Variants in MKLN1 observed in about 807,000 individuals in gnomAD.
MKLN1 encodes muskelin.
MKLN1 carries 18 observed loss-of-function variants against 99.0 expected under a neutral mutation model. The observed-to-expected ratio is 0.18, with a 90% CI of 0.13 to 0.27. The LOEUF is 0.27. Among genes scored for constraint, MKLN1 ranks in the 10% least tolerant of loss-of-function variants. The probability of loss-of-function intolerance (pLI) is 1.00; values close to 1 mark genes in which losing one functional copy is unlikely to be tolerated. For synonymous variants in MKLN1, 288 were observed against 293.2 expected, an observed-to-expected ratio of 0.98 and a Z score of 0.18; for missense variants, 621 against 875.9, an observed-to-expected ratio of 0.71 and a Z score of 3.67.
intron 2 of MKLN1, among the ~76,000 whole-genome samples, chr7:131,154,020 A>C (rs1266737660): frequency 6.6e-6 from 1 of 152,156 alleles, no homozygotes; most frequent in East Asian, 1.9e-4. Flanking sequence ...ATATTACAAA[A>C]AAATGGGGGG....
rs1563226557 is a variant in MKLN1, at chr7:131,133,819, G to GTTTTTTTTTTTT, written c.-418-9001_-418-9000insTTTTTTTTTTTT. Among the ~76,000 whole-genome samples the GTTTTTTTTTTTT allele has an allele frequency of 3.0e-5, 2 of 67,238 alleles. 1 individual carries two copies. Among genetic ancestry groups the GTTTTTTTTTTTT allele is most frequent in the African/African-American group, 1.0e-4 (2 of 19,614 alleles). 44.1% of individuals were successfully genotyped at this position (67,238 alleles called of 152,430 possible). A position where few individuals can be genotyped will look rare whatever the true frequency, so the allele number is the denominator to read the frequency against. ...ACTTCTTTTTTTTTTTTTTTAATTT[G>GTTTTTTTTTTTT]GTTTTTTTTTTTTTTTTTTTTTTTT... On this transcript the variant is annotated intron_variant, in intron 1 of 7. Transcript: ENST00000416992.
intron 3 of MKLN1, among the ~76,000 whole-genome samples, chr7:131,235,674 T>C (rs575937573): frequency 1.3e-5 from 2 of 152,306 alleles, no homozygotes; most frequent in South Asian, 2.1e-4. Context: ...TATATATGAC[T>C]GGGGAAATCT....
chr7:131,154,856 G>C (rs1795941056), intron 2 of MKLN1, among the ~76,000 whole-genome samples: 1 of 152,096 alleles, frequency 6.6e-6, no homozygotes, highest in Non-Finnish European at 1.5e-5. Flanking sequence ...TACCCGACTA[G>C]AGGGTAGGAA....
chr7:131,305,054 G>T (rs1461462478), intron 3 of MKLN1, among the ~76,000 whole-genome samples: 2 of 152,154 alleles, frequency 1.3e-5, no homozygotes, highest in South Asian at 4.1e-4. Flanking sequence ...CATCTTGGAA[G>T]CAGGGAGACT....
chr7:131,422,659 G>A (rs938558478), intron 8 of MKLN1, among the ~76,000 whole-genome samples: 7 of 151,788 alleles, frequency 4.6e-5, no homozygotes, highest in Admixed American at 6.6e-5. Flanking sequence ...GTTGCTTCCC[G>A]GTGTCTCATA....
At chr7:131,328,371 C>T (rs1313376545) in intron 1 of MKLN1, 4 of 258,688 alleles carry the variant, frequency 1.5e-5, no homozygotes, top group East Asian at 1.8e-4. Flanking sequence ...CAAACTACCC[C>T]GAATGTCTGA....
chr7:131,165,017 GA>G (rs2116321631), intron 2 of MKLN1, among the ~76,000 whole-genome samples: 1 of 152,234 alleles, frequency 6.6e-6, no homozygotes, highest in Non-Finnish European at 1.5e-5. Context: ...ATGTGGTACA[GA>G]ATGTGTGAGT....
chr7:131,259,125 A>G (rs890516687), intron 3 of MKLN1, among the ~76,000 whole-genome samples: 5 of 152,156 alleles, frequency 3.3e-5, no homozygotes, highest in Non-Finnish European at 7.3e-5. Context: ...AAAAAAATAT[A>G]TATATATAAA....
intron 2 of MKLN1, among the ~76,000 whole-genome samples, chr7:131,159,055 G>C (rs1476695582): frequency 1.3e-5 from 2 of 152,104 alleles, no homozygotes; most frequent in Non-Finnish European, 2.9e-5. Context: ...AATTAGCTGG[G>C]TGTGGTGGCA....
intron 3 of MKLN1, among the ~76,000 whole-genome samples, chr7:131,204,466 A>G (rs918219643): frequency 3.9e-5 from 6 of 152,196 alleles, no homozygotes; most frequent in Admixed American, 3.3e-4. Context: ...AAAAATCCTT[A>G]TATTTGACAT....
At chr7:131,175,435 C>T (rs1796284743) in intron 2 of MKLN1, among the ~76,000 whole-genome samples, 1 of 152,052 alleles carries the variant, frequency 6.6e-6, no homozygotes, top group Admixed American at 6.6e-5. Context: ...TTTGTAATCC[C>T]ACAACATTTT....
intron 3 of MKLN1, among the ~76,000 whole-genome samples, chr7:131,291,101 T>TTTTATTTTATTTATTTATTTATTTATTTA (rs550977388): frequency 1.5e-5 from 2 of 134,842 alleles, no homozygotes; most frequent in Non-Finnish European, 3.1e-5. Context: ...TCTCATTTTA[T>TTTTATTTTATTTATTTATTTATTTATTTA]TTTATTTATT....
intron 3 of MKLN1, among the ~76,000 whole-genome samples, chr7:131,239,875 T>C (rs1584859726): frequency 6.6e-6 from 1 of 151,858 alleles, no homozygotes; most frequent in South Asian, 2.1e-4. Flanking sequence ...AATAATATAT[T>C]GTTAACTTTT....
chr7:131,287,881 TC>T (rs1294183295), intron 3 of MKLN1, among the ~76,000 whole-genome samples: 1 of 152,046 alleles, frequency 6.6e-6, no homozygotes, highest in East Asian at 1.9e-4. Context: ...AAGGGGCTCT[TC>T]CCCCTTTGCT....
chr7:131,310,488 T>C (rs1057468839), intron 3 of MKLN1: 3 of 152,224 alleles, frequency 2.0e-5, no homozygotes, highest in Non-Finnish European at 4.4e-5. Flanking sequence ...ACCTCTTCAG[T>C]GTACCATGAA....
chr7:131,175,924 A>C lies in MKLN1; in HGVS notation c.-296-26933A>C, dbSNP rs75446012. ...AAAAAAAAACCAAAAAACAAATATT[A>C]CTCTGATGATGCTATTACATATCTC... is the stretch of plus-strand genomic sequence containing the variant. On this transcript the variant is annotated intron_variant, in intron 2 of 7. Coordinates refer to the MKLN1 transcript ENST00000416992. 3.6e-3 allele frequency among the ~76,000 whole-genome samples: 554 copies of C among 151,938 alleles called. 4 individuals are homozygous for C. The highest frequency in any genetic ancestry group is 0.013 in the African/African-American group (523 of 41,442).
chr7:131,246,428 C>T (rs914529128), intron 3 of MKLN1, among the ~76,000 whole-genome samples: 2 of 152,202 alleles, frequency 1.3e-5, no homozygotes, highest in Admixed American at 1.3e-4. Flanking sequence ...TCTGGGTTAT[C>T]TTAGAAGAGA....
chr7:131,320,680 T>C (rs1474502237), intron 3 of MKLN1, among the ~76,000 whole-genome samples: 1 of 152,046 alleles, frequency 6.6e-6, no homozygotes, highest in East Asian at 1.9e-4. Flanking sequence ...AATCTACCCA[T>C]GTGTCAAAGG....
chr7:131,170,996 G>T (rs1796206342), intron 2 of MKLN1, among the ~76,000 whole-genome samples: 1 of 152,144 alleles, frequency 6.6e-6, no homozygotes, highest in Non-Finnish European at 1.5e-5. Flanking sequence ...TGCTGCAAAA[G>T]ATCAAGATAA....
Sources: allele counts gnomAD v4.1 joint callset (sites outside exome capture counted in the v4.1 genomes callset), GRCh38; gene constraint gnomAD v4.1.1; transcripts MANE v1.5; gene names NCBI Gene and HGNC (gene_info 2026-07-23, HGNC 2026-07-21).